The following SDCCAG8 variants were observed in gnomAD, a reference collection of about 807,000 sequenced individuals.
The protein encoded by SDCCAG8 is SHH signaling and ciliogenesis regulator SDCCAG8.
In SDCCAG8, 74 loss-of-function variants were observed where a neutral mutation model predicts 101.8. That is an observed-to-expected ratio of 0.73 (90% CI 0.60 to 0.88). The LOEUF is 0.88. Ranked by LOEUF, SDCCAG8 falls within the 40% of genes least tolerant of loss-of-function variation. SDCCAG8 has a pLI of 0.00. For synonymous variants in SDCCAG8, 281 were observed against 292.9 expected, an observed-to-expected ratio of 0.96 and a Z score of 0.41; for missense variants, 787 against 822.6, an observed-to-expected ratio of 0.96 and a Z score of 0.53.
chr1:243,302,862 A>C (rs1280160113), intron 6 of SDCCAG8, among the ~76,000 whole-genome samples: 1 of 152,214 alleles, frequency 6.6e-6, no homozygotes, highest in Non-Finnish European at 1.5e-5. Flanking sequence ...AGTAGCAAGA[A>C]CATCATGAAA....
At chr1:243,449,244 G>A (rs994637575) in intron 16 of SDCCAG8, among the ~76,000 whole-genome samples, 7 of 152,112 alleles carry the variant, frequency 4.6e-5, no homozygotes, top group Non-Finnish European at 7.4e-5. Flanking sequence ...TTAATGGAGC[G>A]ACTTGCTAAG....
intron 16 of SDCCAG8, among the ~76,000 whole-genome samples, chr1:243,473,936 G>GGGGGGGGGGGGGGT (rs1661793384): frequency 9.6e-6 from 1 of 104,368 alleles, no homozygotes; most frequent in Non-Finnish European, 2.0e-5. Flanking sequence ...GGGGGGGGGG[G>GGGGGGGGGGGGGGT]GGGCCGGGGG....
intron 16 of SDCCAG8, among the ~76,000 whole-genome samples, chr1:243,443,246 A>G (rs1008143093): frequency 6.6e-5 from 10 of 152,246 alleles, no homozygotes; most frequent in African/African-American, 9.6e-5. Flanking sequence ...TAAGGAAAGT[A>G]TTTGCTTGCT....
At chr1:243,366,315 T>C (rs2076988222) in intron 12 of SDCCAG8, among the ~76,000 whole-genome samples, 1 of 152,026 alleles carries the variant, frequency 6.6e-6, no homozygotes, top group African/African-American at 2.4e-5. Flanking sequence ...TTTTTATATT[T>C]AGTCTTGGTT....
At chr1:243,305,725 A>T (rs1341341260) in intron 7 of SDCCAG8, 1 of 152,216 alleles carries the variant, frequency 6.6e-6, no homozygotes, top group African/African-American at 2.4e-5. Context: ...TTATTTTAAT[A>T]AGTCCAATTT....
At chr1:243,337,358 A>G (rs2075079714) in intron 10 of SDCCAG8, among the ~76,000 whole-genome samples, 1 of 152,182 alleles carries the variant, frequency 6.6e-6, no homozygotes, top group African/African-American at 2.4e-5. Flanking sequence ...TCGATACAAT[A>G]CATATCTGAG....
At chr1:243,401,804 T>A (rs1217777695) in intron 13 of SDCCAG8, among the ~76,000 whole-genome samples, 1 of 152,200 alleles carries the variant, frequency 6.6e-6, no homozygotes, top group Non-Finnish European at 1.5e-5. Context: ...TTGTTCTTAG[T>A]GTTCTATCAG....
At chr1:243,431,480 G>C (rs539443137) in intron 16 of SDCCAG8, among the ~76,000 whole-genome samples, 4 of 152,188 alleles carry the variant, frequency 2.6e-5, no homozygotes, top group African/African-American at 9.6e-5. Flanking sequence ...GAGATGGCCT[G>C]GGTTTGGGAT....
rs147924940 is a variant in SDCCAG8, at chr1:243,491,718, G to A, written c.2112+2578G>A. Among the ~76,000 whole-genome samples, 76 of 152,262 alleles carry A rather than the reference G, an allele frequency of 5.0e-4. 2 individuals are homozygous for A. The highest frequency in any genetic ancestry group is 1.7e-3 in the African/African-American group (70 of 41,566). ...ATGTGGGCGAGGCTGCTGTAGGTTC[G>A]AGCAGGTATTTTGGATGCGGTGCCG... On this transcript the variant is annotated intron_variant, in intron 17 of 17. Transcript: ENST00000366541.
In SDCCAG8 at chr1:243,499,816, T is replaced by A; in HGVS notation, c.*31T>A. The A allele has an allele frequency of 1.2e-6, 2 of 1,603,658 alleles. No homozygotes were observed. The highest frequency in any genetic ancestry group is 1.7e-6 in the Non-Finnish European group (2 of 1,171,380). On this transcript the variant is annotated 3_prime_UTR_variant, in exon 18 of 18. Transcript: ENST00000366541. ...ATGGAACAGAGTGAAATAAATGATT[T>A]ACAAAGAGATATTTACATTCATCTG... is the stretch of plus-strand genomic sequence containing the variant.
chr1:243,422,992 C>T (rs918858712), intron 15 of SDCCAG8, among the ~76,000 whole-genome samples: 3 of 152,016 alleles, frequency 2.0e-5, no homozygotes, highest in Non-Finnish European at 4.4e-5. Flanking sequence ...TAACAGAAAA[C>T]TTGTAAGTTT....
chr1:243,404,348 T>A (rs919666222), intron 13 of SDCCAG8, among the ~76,000 whole-genome samples: 2 of 151,978 alleles, frequency 1.3e-5, no homozygotes, highest in Non-Finnish European at 2.9e-5. Flanking sequence ...GACTAAGAAA[T>A]GGCTAGAGGA....
intron 12 of SDCCAG8, among the ~76,000 whole-genome samples, chr1:243,345,110 G>A (rs980350407): frequency 5.3e-5 from 8 of 152,002 alleles, no homozygotes; most frequent in African/African-American, 1.9e-4. Flanking sequence ...TAAAATAATT[G>A]TTTTAGAATT....
intron 13 of SDCCAG8, among the ~76,000 whole-genome samples, chr1:243,411,134 G>A (rs1330602924): frequency 6.6e-6 from 1 of 151,794 alleles, no homozygotes; most frequent in East Asian, 1.9e-4. Flanking sequence ...TATTTTTTGA[G>A]ACAGGGTCTC....
intron 13 of SDCCAG8, among the ~76,000 whole-genome samples, chr1:243,401,045 C>T (rs1232840493): frequency 6.6e-6 from 1 of 152,172 alleles, no homozygotes; most frequent in Non-Finnish European, 1.5e-5. Flanking sequence ...TGTAAATACA[C>T]TTGGAGGTGC....
At chr1:243,489,576 G>A (rs1282048268) in intron 17 of SDCCAG8, among the ~76,000 whole-genome samples, 1 of 152,218 alleles carries the variant, frequency 6.6e-6, no homozygotes, top group Non-Finnish European at 1.5e-5. Context: ...TTGAATGGAA[G>A]GCAGGCATCT....
At chr1:243,274,683 C>A in intron 4 of SDCCAG8, 27 bp downstream of exon 4, 2 of 1,314,014 alleles carry the variant, frequency 1.5e-6, no homozygotes, top group Non-Finnish European at 2.2e-6. Flanking sequence ...GAATTTAAAA[C>A]TAAATAAATG....
intron 10 of SDCCAG8, among the ~76,000 whole-genome samples, chr1:243,338,504 C>G (rs1416004674): frequency 1.3e-5 from 2 of 151,856 alleles, no homozygotes; most frequent in South Asian, 2.1e-4. Context: ...GAATCATTCC[C>G]CATCAACAGT....
chr1:243,299,952 C>T (rs1039831817), intron 6 of SDCCAG8, among the ~76,000 whole-genome samples: 9 of 151,798 alleles, frequency 5.9e-5, no homozygotes, highest in African/African-American at 2.2e-4. Context: ...ACAACCTCCG[C>T]CTCCCAGGTT....
Sources: gnomAD v4.1 joint callset for allele counts (sites outside exome capture counted in the v4.1 genomes callset) on GRCh38, gnomAD v4.1.1 for gene constraint, MANE v1.5 for transcripts, NCBI Gene and HGNC (gene_info 2026-07-23, HGNC 2026-07-21) for gene names.